SUSD4: variants seen among roughly 807,000 people sequenced by gnomAD.
SUSD4 encodes the protein sushi domain containing 4, also known as sushi domain-containing protein 4.
A neutral mutation model predicts 50.5 loss-of-function variants in SUSD4; 41 were observed. That is an observed-to-expected ratio of 0.81 (90% CI 0.63 to 1.05). The LOEUF is 1.05. Ranked by LOEUF, SUSD4 falls within the 50% of genes least tolerant of loss-of-function variation. The pLI, the probability that SUSD4 is intolerant of heterozygous loss-of-function variation, is 0.00. For synonymous variants in SUSD4, 257 were observed against 257.3 expected (o/e 1.00, Z 0.01); for missense variants, 580 against 634.7 (o/e 0.91, Z 0.93).
chr1:223,278,745 T>C (rs550293747), intron 3 of SUSD4, among the ~76,000 whole-genome samples: 17 of 152,334 alleles, frequency 1.1e-4, no homozygotes, highest in African/African-American at 4.1e-4. Flanking sequence ...GAGTTTGAGA[T>C]CTGAGAACGG....
chr1:223,342,289 T>G (rs1667802716), intron 2 of SUSD4, among the ~76,000 whole-genome samples: 1 of 152,198 alleles, frequency 6.6e-6, no homozygotes, highest in East Asian at 1.9e-4. Flanking sequence ...TTTAAAAATG[T>G]TCTTTCTACC....
At chr1:223,304,705 G>A (rs1249583484) in intron 2 of SUSD4, among the ~76,000 whole-genome samples, 1 of 148,840 alleles carries the variant, frequency 6.7e-6, no homozygotes, top group East Asian at 2.0e-4. Context: ...GTTGTAGAGT[G>A]AGAATGTATA....
At chr1:223,276,426 A>G (rs1663280122) in intron 3 of SUSD4, among the ~76,000 whole-genome samples, 1 of 152,244 alleles carries the variant, frequency 6.6e-6, no homozygotes, top group Admixed American at 6.5e-5. Flanking sequence ...ACAGCTGTCA[A>G]GATTTGCACT....
In SUSD4 at chr1:223,248,351, G is replaced by A. The variant is rs557355261; in HGVS notation, c.724+16279C>T. ...AAGACAGGGACTCTGCTCCCATATT[G>A]TACAGAACCACCCAACCTCTGCCTG... On this transcript the variant is annotated intron_variant, in intron 5 of 8. Transcript: ENST00000366878. Among the ~76,000 whole-genome samples, 9 of 152,240 alleles carry A rather than the reference G, an allele frequency of 5.9e-5. No individual in the cohort carries two copies. In the South Asian group the frequency reaches 1.2e-3, roughly 21 times the overall value.
At chr1:223,261,009 A>G (rs1330395754) in intron 5 of SUSD4, among the ~76,000 whole-genome samples, 3 of 152,142 alleles carry the variant, frequency 2.0e-5, no homozygotes, top group African/African-American at 7.2e-5. Flanking sequence ...CAAGAGTTGA[A>G]GGGTCAGGAC....
In SUSD4 at chr1:223,229,357, T is replaced by C; in HGVS notation, c.756A>G (p.Gly252=). The part of the protein sequence containing the change: ...VCPLPPMVSH[G]DFVCHPRPCE... Reference sequence around the variant, plus strand: ...AAGGCCGCGGGTGGCAGACGAAATCTCCGTGACTCACCATTGGAGGTAGTG... The same window carrying C: ...AAGGCCGCGGGTGGCAGACGAAATCCCCGTGACTCACCATTGGAGGTAGTG... Residue 252 remains glycine, a synonymous_variant, in exon 6 of 9, where the codon GGA becomes GGG. Coordinates refer to ENST00000366878, the MANE Select transcript of SUSD4 (RefSeq NM_017982.4). The surrounding 1 kb of genome is among the most constrained non-coding windows in gnomAD (Gnocchi z 4.7). 1 of 1,603,904 alleles carries C rather than the reference T, an allele frequency of 6.2e-7. No individual in the cohort carries two copies. The highest frequency in any genetic ancestry group is 8.5e-7 in the Non-Finnish European group (1 of 1,172,138).
At chr1:223,284,464 A>G (rs1027744154) in intron 3 of SUSD4, among the ~76,000 whole-genome samples, 4 of 152,206 alleles carry the variant, frequency 2.6e-5, no homozygotes, top group African/African-American at 7.2e-5. Context: ...AGCCTCTCAG[A>G]GGCTTCACTT....
intron 2 of SUSD4, among the ~76,000 whole-genome samples, chr1:223,351,995 C>G (rs1020495144): frequency 6.6e-5 from 10 of 151,804 alleles, no homozygotes; most frequent in Non-Finnish European, 1.5e-4. Flanking sequence ...GACCAAGGCA[C>G]GTAGGCAGCA....
chr1:223,225,238 G>C (rs1246703983), intron 7 of SUSD4, among the ~76,000 whole-genome samples: 1 of 152,054 alleles, frequency 6.6e-6, no homozygotes, highest in Non-Finnish European at 1.5e-5. Context: ...TAAAATATGA[G>C]GAAGAGAAGA....
intron 2 of SUSD4, among the ~76,000 whole-genome samples, chr1:223,313,590 G>A (rs1666006747): frequency 6.6e-6 from 1 of 152,156 alleles, no homozygotes; most frequent in Non-Finnish European, 1.5e-5. Context: ...ATCTTGAATA[G>A]GGGCTGAGTA....
rs188516168 is a variant in SUSD4, at chr1:223,231,435, C to G, written c.725-2047G>C. 4.2e-3 allele frequency among the ~76,000 whole-genome samples: 644 copies of G among 152,246 alleles called. 2 individuals carry two copies. Among genetic ancestry groups the G allele is most frequent in the African/African-American group, 0.015 (614 of 41,554 alleles). Reference sequence around the variant, plus strand: ...ACAGGTGGACACTGGCAGAGACAGGCTTTGAGCTCTGACTCTGAGGCCCAG... The same window carrying G: ...ACAGGTGGACACTGGCAGAGACAGGGTTTGAGCTCTGACTCTGAGGCCCAG... On this transcript the variant is annotated intron_variant, in intron 5 of 8. Coordinates refer to ENST00000366878, the MANE Select transcript of SUSD4 (RefSeq NM_017982.4). This position sits in a 1 kb window ranked among gnomAD's most constrained non-coding sequence, Gnocchi z 4.2.
At chr1:223,232,296 TAA>T (rs1659950351) in intron 5 of SUSD4, among the ~76,000 whole-genome samples, 1 of 152,192 alleles carries the variant, frequency 6.6e-6, no homozygotes, top group South Asian at 2.1e-4. Context: ...GGAAATTCAC[TAA>T]GAGAGTAGAT....
At chr1:223,362,447 G>A (rs934194255) in intron 2 of SUSD4, among the ~76,000 whole-genome samples, 7 of 152,210 alleles carry the variant, frequency 4.6e-5, no homozygotes, top group African/African-American at 1.7e-4. Context: ...ATGATGGACA[G>A]CAATGAGCAG....
intron 2 of SUSD4, among the ~76,000 whole-genome samples, chr1:223,314,721 T>C (rs1023981877): frequency 1.5e-4 from 23 of 152,306 alleles, no homozygotes; most frequent in South Asian, 2.1e-4. Flanking sequence ...AGCTCTCTTC[T>C]CTTGTCTACC....
intron 5 of SUSD4, among the ~76,000 whole-genome samples, chr1:223,259,453 GTCTGTTCTTC>G (rs1177162492): frequency 6.6e-6 from 1 of 152,130 alleles, no homozygotes; most frequent in Admixed American, 6.5e-5. Context: ...TGCTTCCATC[GTCTGTTCTTC>G]TGACCCTTGC....
chr1:223,343,649 C>A (rs1416772673), intron 2 of SUSD4, among the ~76,000 whole-genome samples: 1 of 152,146 alleles, frequency 6.6e-6, no homozygotes, highest in African/African-American at 2.4e-5. Flanking sequence ...CATCACTTTT[C>A]TAACAGAGGG....
chr1:223,286,958 G>C (rs1021100966), intron 3 of SUSD4, among the ~76,000 whole-genome samples: 1 of 152,180 alleles, frequency 6.6e-6, no homozygotes, highest in Non-Finnish European at 1.5e-5. Context: ...ACTCTTCTGG[G>C]TGATGTAGGT....
chr1:223,357,571 T>C (rs1668734161), intron 2 of SUSD4, among the ~76,000 whole-genome samples: 1 of 152,214 alleles, frequency 6.6e-6, no homozygotes, highest in Non-Finnish European at 1.5e-5. Flanking sequence ...ATCTACTTCA[T>C]ACAGTTGTGA....
intron 2 of SUSD4, among the ~76,000 whole-genome samples, chr1:223,358,257 T>G (rs1013190540): frequency 6.6e-6 from 1 of 150,546 alleles, no homozygotes; most frequent in African/African-American, 2.5e-5. Context: ...GATGGATGGA[T>G]GGATGGATGG....
Sources: gnomAD v4.1 joint callset for allele counts (sites outside exome capture counted in the v4.1 genomes callset) on GRCh38, gnomAD v4.1.1 for gene constraint, Gnocchi (gnomAD v3.1) non-coding constraint, MANE v1.5 for transcripts, NCBI Gene and HGNC (gene_info 2026-07-23, HGNC 2026-07-21) for gene names.